HLF: variants seen among roughly 807,000 people sequenced by gnomAD.
HLF encodes the protein HLF transcription factor, PAR bZIP family member, also known as hepatic leukemia factor.
In HLF, 3 loss-of-function variants were observed where a neutral mutation model predicts 22.6. The observed-to-expected ratio is 0.13, with a 90% CI of 0.06 to 0.34. HLF has a LOEUF of 0.34. Ranked by LOEUF, HLF falls within the 10% of genes least tolerant of loss-of-function variation. The pLI is 1.00. For missense variants in HLF, 299 were observed against 389.2 expected, an observed-to-expected ratio of 0.77 and a Z score of 1.95; for synonymous variants, 151 against 151.8, an observed-to-expected ratio of 0.99 and a Z score of 0.04.
intron 2 of HLF, among the ~76,000 whole-genome samples, chr17:55,292,578 A>G (rs887253436): frequency 9.8e-5 from 15 of 152,308 alleles, no homozygotes; most frequent in African/African-American, 3.4e-4. Flanking sequence ...GACTTGCTTT[A>G]TTGGATTCTT....
chr17:55,270,370 T>C (rs1013572502), intron 2 of HLF, among the ~76,000 whole-genome samples: 4 of 152,210 alleles, frequency 2.6e-5, no homozygotes, highest in African/African-American at 7.2e-5. Context: ...AAAATAACAC[T>C]CTGCTGTTCA....
chr17:55,311,515 A>C (rs1268775985), intron 2 of HLF, among the ~76,000 whole-genome samples: 1 of 152,154 alleles, frequency 6.6e-6, no homozygotes, highest in Non-Finnish European at 1.5e-5. Context: ...AAGAAAAAAA[A>C]ACAAAAACAA....
chr17:55,315,456 G>T lies in HLF; in HGVS notation c.672+9G>T. On this transcript the variant is annotated intron_variant, in intron 3 of 3. Coordinates refer to ENST00000226067, the MANE Select transcript of HLF (RefSeq NM_002126.5). ...TCCCTGATGACCTGAAGGTAAATTG[G>T]AACTGGTAATCAGTCTTTGGGCAAA... 6.2e-7 allele frequency: 1 copy of T among 1,601,646 alleles called. No homozygotes were observed. Among genetic ancestry groups the T allele is most frequent in the Non-Finnish European group, 8.6e-7 (1 of 1,168,822 alleles).
intron 2 of HLF, among the ~76,000 whole-genome samples, chr17:55,274,261 T>C (rs1485695128): frequency 6.6e-6 from 1 of 152,040 alleles, no homozygotes; most frequent in Non-Finnish European, 1.5e-5. Context: ...TTTTTATGTC[T>C]CAGCAATGAA....
At chr17:55,279,559 C>T (rs1978354) in intron 2 of HLF, among the ~76,000 whole-genome samples, 17,486 of 151,902 alleles carry the variant, frequency 0.12, 1,367 homozygotes, top group East Asian at 0.32. Context: ...CCGAGTGAGA[C>T]CCCATCTCTA....
In HLF at chr17:55,319,719, AT is replaced by A. The variant is rs202155826; in HGVS notation, c.673-934del. ...TACATTGATTAGCGGCAGGTTGAAG[AT>A]TTTTTTTTTTAATTTCTATTTTTAA... On this transcript the variant is annotated intron_variant, in intron 3 of 3. Coordinates refer to ENST00000226067, the MANE Select transcript of HLF (RefSeq NM_002126.5). Among the ~76,000 whole-genome samples, 84 of 148,824 alleles carry A rather than the reference AT, an allele frequency of 5.6e-4. 1 individual carries two copies. Among genetic ancestry groups the A allele is most frequent in the African/African-American group, 1.2e-3 (49 of 40,724 alleles).
chr17:55,266,591 A>C (rs995981154), intron 1 of HLF, among the ~76,000 whole-genome samples: 3 of 152,228 alleles, frequency 2.0e-5, no homozygotes, highest in African/African-American at 7.2e-5. Flanking sequence ...GATGATAGCC[A>C]GGGACCCCTC....
At chr17:55,308,907 C>G (rs1477291923) in intron 2 of HLF, among the ~76,000 whole-genome samples, 2 of 152,202 alleles carry the variant, frequency 1.3e-5, no homozygotes, top group African/African-American at 2.4e-5. Flanking sequence ...TTAAGCTGAC[C>G]TAGGCTGGCC....
chr17:55,294,000 G>A (rs1269103098), intron 2 of HLF, among the ~76,000 whole-genome samples: 1 of 151,892 alleles, frequency 6.6e-6, no homozygotes, highest in Non-Finnish European at 1.5e-5. Flanking sequence ...TTTAACACAG[G>A]TTTTACTTTT....
chr17:55,300,864 C>T (rs1274211760), intron 2 of HLF, among the ~76,000 whole-genome samples: 3 of 152,188 alleles, frequency 2.0e-5, no homozygotes, highest in Non-Finnish European at 2.9e-5. Flanking sequence ...GATAGTTCCC[C>T]GTTCTCTTGA....
At chr17:55,309,636 C>G (rs1904738888) in intron 2 of HLF, among the ~76,000 whole-genome samples, 1 of 152,214 alleles carries the variant, frequency 6.6e-6, no homozygotes. Context: ...CTCATCAGCT[C>G]TAAAGGAAAC....
At chr17:55,279,978 A>G (rs1250001573) in intron 2 of HLF, among the ~76,000 whole-genome samples, 2 of 152,234 alleles carry the variant, frequency 1.3e-5, no homozygotes, top group African/African-American at 2.4e-5. Flanking sequence ...TCTACCAGCC[A>G]TATAACTCTT....
intron 2 of HLF, among the ~76,000 whole-genome samples, chr17:55,296,981 T>C (rs2081116849): frequency 6.6e-6 from 1 of 152,202 alleles, no homozygotes; most frequent in Non-Finnish European, 1.5e-5. Flanking sequence ...TATGTTCTTA[T>C]CTATGGCCTT....
At chr17:55,268,152 A>G in intron 2 of HLF, 66 bp downstream of exon 2, 1 of 1,176,386 alleles carries the variant, frequency 8.5e-7, no homozygotes, top group African/African-American at 1.5e-5. Flanking sequence ...GGCAAGGTAG[A>G]GTTAGCATAA....
At chr17:55,284,761 T>TACCTTTCAGCTCCTGCC (rs1485879785) in intron 2 of HLF, among the ~76,000 whole-genome samples, 1 of 152,198 alleles carries the variant, frequency 6.6e-6, no homozygotes, top group Non-Finnish European at 1.5e-5. Context: ...CTGCTCCTGC[T>TACCTTTCAGCTCCTGCC]ACCTTTCAGC....
intron 2 of HLF, among the ~76,000 whole-genome samples, chr17:55,277,272 TGTGC>T (rs2080913439): frequency 8.7e-6 from 1 of 114,778 alleles, no homozygotes; most frequent in Admixed American, 9.5e-5. Context: ...TGTGTGTGTG[TGTGC>T]GCGCGCATGT....
chr17:55,304,533 A>G, intron 2 of HLF, among the ~76,000 whole-genome samples: 1 of 152,204 alleles, frequency 6.6e-6, no homozygotes, highest in Middle Eastern at 3.2e-3. Context: ...GGTAAACACC[A>G]CTGGAATGAG....
chr17:55,287,921 T>A (rs1035049894), intron 2 of HLF, among the ~76,000 whole-genome samples: 7 of 152,228 alleles, frequency 4.6e-5, no homozygotes, highest in African/African-American at 1.7e-4. Flanking sequence ...ACAAAGATAC[T>A]AATTTCATTA....
chr17:55,270,516 GAAGTACC>G (rs1195888998), intron 2 of HLF, among the ~76,000 whole-genome samples: 1 of 152,216 alleles, frequency 6.6e-6, no homozygotes, highest in Admixed American at 6.5e-5. Context: ...GACCAGAATA[GAAGTACC>G]AAGTTAATCT....
Sources: gnomAD v4.1 joint callset for allele counts (sites outside exome capture counted in the v4.1 genomes callset) on GRCh38, gnomAD v4.1.1 for gene constraint, MANE v1.5 for transcripts, NCBI Gene and HGNC (gene_info 2026-07-23, HGNC 2026-07-21) for gene names.